ZNF808: variants seen among roughly 807,000 people sequenced by gnomAD.
The protein encoded by ZNF808 is zinc finger protein 808.
In ZNF808, 5 loss-of-function variants were observed where a neutral mutation model predicts 8.7. The observed-to-expected ratio is 0.58, with a 90% CI of 0.30 to 1.21. The LOEUF (loss-of-function observed/expected upper bound fraction) is 1.21. ZNF808 is among the 50% of genes most tolerant of loss of function. The pLI, the probability that ZNF808 is intolerant of heterozygous loss-of-function variation, is 0.07. For synonymous variants in ZNF808, 380 were observed against 366.0 expected (o/e 1.04, Z -0.44); for missense variants, 1,103 against 1,098.4 (o/e 1.00, Z -0.06).
chr19:52,544,604 A>G (rs908199283), intron 3 of ZNF808, among the ~76,000 whole-genome samples: 3 of 152,218 alleles, frequency 2.0e-5, no homozygotes, highest in Middle Eastern at 3.4e-3. Flanking sequence ...GCTGAGGTTA[A>G]AGGTGCACAC....
At chr19:52,563,945 G>C (rs2059865935) in exon 4 of ZNF808, 1 of 316,978 alleles carries the variant, frequency 3.2e-6, no homozygotes, top group Admixed American at 5.2e-5. Flanking sequence ...TCGATGAGCC[G>C]GGATCCTGCC....
At chr19:52,544,425 G>C (rs545372185) in intron 3 of ZNF808, among the ~76,000 whole-genome samples, 2 of 152,120 alleles carry the variant, frequency 1.3e-5, no homozygotes, top group South Asian at 4.2e-4. Flanking sequence ...CCCCCTCCCA[G>C]TTTCAAGCAA....
intron 1 of ZNF808, among the ~76,000 whole-genome samples, chr19:52,529,727 T>G (rs981365926): frequency 2.4e-4 from 36 of 152,066 alleles, no homozygotes; most frequent in African/African-American, 8.7e-4. Context: ...ATTTAATTAA[T>G]TAAATGATAT....
downstream of ZNF808, among the ~76,000 whole-genome samples, chr19:52,559,371 C>G (rs1214179766): frequency 1.3e-5 from 2 of 151,996 alleles, no homozygotes; most frequent in South Asian, 4.1e-4. Flanking sequence ...TTTCCTTTAC[C>G]TTGTTTATGA....
In ZNF808 at chr19:52,535,575, C is replaced by T. The variant is rs183829456; in HGVS notation, c.-20+2566C>T. ...CTCCTCCCTGGCCTGAGCACTCCGTCCCGCATCCCAGGCGGAGGCCCTAGG... is the reference window on the plus strand; with the variant it reads ...CTCCTCCCTGGCCTGAGCACTCCGTTCCGCATCCCAGGCGGAGGCCCTAGG... On this transcript the variant is annotated intron_variant, in intron 2 of 4. Transcript: ENST00000359798. Among the ~76,000 whole-genome samples the T allele has an allele frequency of 9.7e-3, 1,478 of 152,238 alleles. 21 individuals are homozygous for T. The highest frequency in any genetic ancestry group is 0.028 in the African/African-American group (1,181 of 41,534).
intron 2 of ZNF808, among the ~76,000 whole-genome samples, chr19:52,538,005 C>G (rs915430261): frequency 7.5e-6 from 1 of 132,660 alleles, no homozygotes; most frequent in Non-Finnish European, 1.6e-5. Context: ...TTACATAATA[C>G]TTTTAATTAA....
intron 1 of ZNF808, among the ~76,000 whole-genome samples, chr19:52,530,866 C>T (rs1298524410): frequency 4.6e-5 from 7 of 150,990 alleles, no homozygotes; most frequent in East Asian, 4.0e-4. Context: ...TCACCTACTC[C>T]GGAGGCTGAG....
At chr19:52,547,432 A>G in intron 3 of ZNF808, 80 bp from the exon 4 acceptor site, 2 of 1,601,966 alleles carry the variant, frequency 1.2e-6, no homozygotes, top group South Asian at 2.2e-5. Context: ...ATAAATACTT[A>G]TTTTCCCTTT....
At chr19:52,556,619 C>T (rs12986137), downstream of ZNF808, 15,281 of 152,094 alleles carry the variant, frequency 0.1, 889 homozygotes, top group Middle Eastern at 0.19. Flanking sequence ...CCACCGTACC[C>T]GGTCTTGTTT....
intron 2 of ZNF808, among the ~76,000 whole-genome samples, chr19:52,537,303 A>G (rs775355003): frequency 7.2e-5 from 11 of 152,136 alleles, no homozygotes; most frequent in Non-Finnish European, 1.2e-4. Flanking sequence ...TGAGGAGCAC[A>G]ATCCCAGGGA....
chr19:52,554,412 T>A lies in ZNF808; in HGVS notation c.1496T>A (p.Leu499Gln). Residue 499 changes from leucine (L) to glutamine (Q), a missense_variant, in exon 5 of 5, where the codon CTA becomes CAA. Leu to Gln is a moderately radical substitution (Grantham distance 113). Coordinates refer to ENST00000359798, the MANE Select transcript of ZNF808 (RefSeq NM_001039886.4). ...RKTFSRRSSL[L>Q]CHRRLHSGEK... ...ACCTTCAGCCGCAGGTCATCCCTTC[T>A]ATGCCATCGTAGACTTCATAGTGGT... 1 of 1,614,050 alleles carries A rather than the reference T, an allele frequency of 6.2e-7. No homozygotes were observed. Among genetic ancestry groups the A allele is most frequent in the Non-Finnish European group, 8.5e-7 (1 of 1,180,008 alleles).
chr19:52,534,646 T>C (rs1275869519), intron 2 of ZNF808, among the ~76,000 whole-genome samples: 1 of 149,440 alleles, frequency 6.7e-6, no homozygotes. Flanking sequence ...TCCCAGCACT[T>C]TGGGAGGCCG....
intron 3 of ZNF808, among the ~76,000 whole-genome samples, chr19:52,546,030 T>C: frequency 6.6e-6 from 1 of 152,234 alleles, no homozygotes; most frequent in Admixed American, 6.5e-5. Context: ...GTGGTAATTT[T>C]CCTAGTATGT....
downstream of ZNF808, among the ~76,000 whole-genome samples, chr19:52,557,845 A>G (rs987195113): frequency 6.6e-6 from 1 of 151,912 alleles, no homozygotes; most frequent in Non-Finnish European, 1.5e-5. Context: ...CCAGGCCCCC[A>G]TGTAAGACTT....
At chr19:52,548,773 C>T (rs2059747427) in intron 4 of ZNF808, among the ~76,000 whole-genome samples, 1 of 151,790 alleles carries the variant, frequency 6.6e-6, no homozygotes, top group African/African-American at 2.4e-5. Context: ...TATGTGTATA[C>T]CACATTTTCC....
intron 3 of ZNF808, 117 bp from the exon 4 acceptor site, chr19:52,547,395 T>A: frequency 6.4e-7 from 1 of 1,556,962 alleles, no homozygotes; most frequent in Non-Finnish European, 8.6e-7. Flanking sequence ...CTTAACATCC[T>A]TTTGTCAGAA....
At chr19:52,562,835 A>T (rs1040735203) in intron 3 of ZNF808, among the ~76,000 whole-genome samples, 2 of 151,810 alleles carry the variant, frequency 1.3e-5, no homozygotes, top group Non-Finnish European at 2.9e-5. Flanking sequence ...GTGCAATGGC[A>T]TGATCTCGGC....
At chr19:52,543,125 T>G in intron 2 of ZNF808, 141 bp from the exon 3 acceptor site, 1 of 817,402 alleles carries the variant, frequency 1.2e-6, no homozygotes, top group Non-Finnish European at 1.9e-6. Flanking sequence ...TGTGGGACTT[T>G]CTTACCTCTG....
downstream of ZNF808, among the ~76,000 whole-genome samples, chr19:52,566,357 G>A (rs1209984344): frequency 6.6e-6 from 1 of 151,880 alleles, no homozygotes; most frequent in East Asian, 1.9e-4. Flanking sequence ...GTAGAGACTG[G>A]GTTTCATTAT....
Sources: gnomAD v4.1 joint callset for allele counts (sites outside exome capture counted in the v4.1 genomes callset) on GRCh38, gnomAD v4.1.1 for gene constraint, MANE v1.5 for transcripts, NCBI Gene and HGNC (gene_info 2026-07-23, HGNC 2026-07-21) for gene names.